The following PCLO variants were observed in gnomAD, a reference collection of about 807,000 sequenced individuals.
The protein encoded by PCLO is protein piccolo.
Under a neutral mutation model 427.5 loss-of-function variants are expected in PCLO, and 82 were observed. That is an observed-to-expected ratio of 0.19 (90% confidence interval 0.16 to 0.23). The LOEUF is 0.23. Ranked by LOEUF, PCLO falls within the 10% of genes least tolerant of loss-of-function variation. PCLO has a pLI of 1.00. For missense variants in PCLO, 6,239 were observed against 6,115.9 expected (o/e 1.02, Z -0.67); for synonymous variants, 2,357 against 2,155.4 (o/e 1.09, Z -2.59).
At position 82,907,769 on chromosome 7, in the gene PCLO, T is replaced by C. The variant is rs557391538; in HGVS notation, c.13437+1108A>G. 1.1e-4 allele frequency among the ~76,000 whole-genome samples: 17 copies of C among 152,050 alleles called. No individual in the cohort carries two copies. The East Asian group carries it at 2.7e-3, about 24-fold the overall frequency. On this transcript the variant is annotated intron_variant, in intron 8 of 24. Coordinates refer to ENST00000333891, the MANE Select transcript of PCLO (RefSeq NM_033026.6). ...ATTAAAAAGATTCTAGAAAATATGATAGCATATAGAAAAACAGAACAAAAT... is the reference window on the plus strand; with the variant it reads ...ATTAAAAAGATTCTAGAAAATATGACAGCATATAGAAAAACAGAACAAAAT...
intron 3 of PCLO, among the ~76,000 whole-genome samples, chr7:83,036,363 A>AGATC (rs895393758): frequency 6.6e-6 from 1 of 152,138 alleles, no homozygotes; most frequent in Non-Finnish European, 1.5e-5. Context: ...TCACCTCTGG[A>AGATC]GATCACACTT....
At chr7:83,059,426 C>A (rs1379490740) in intron 3 of PCLO, among the ~76,000 whole-genome samples, 2 of 142,144 alleles carry the variant, frequency 1.4e-5, no homozygotes, top group South Asian at 2.2e-4. Context: ...AAAGGTTTGG[C>A]TAAAACACAT....
chr7:83,151,186 G>GT (rs1173242073), intron 2 of PCLO, among the ~76,000 whole-genome samples: 2 of 152,040 alleles, frequency 1.3e-5, no homozygotes, highest in East Asian at 3.9e-4. Context: ...TTTTGATTGC[G>GT]TTTTTTCTTA....
At chr7:82,837,543 A>G (rs889924451) in intron 15 of PCLO, among the ~76,000 whole-genome samples, 2 of 152,028 alleles carry the variant, frequency 1.3e-5, no homozygotes, top group South Asian at 4.1e-4. Flanking sequence ...CTTTGAAACT[A>G]TCCTTGAGTA....
At chr7:83,101,373 T>C (rs1790734628) in intron 3 of PCLO, among the ~76,000 whole-genome samples, 1 of 152,082 alleles carries the variant, frequency 6.6e-6, no homozygotes, top group Non-Finnish European at 1.5e-5. Flanking sequence ...TTTAAATATT[T>C]CTACAAAGAA....
In PCLO at chr7:82,950,679, A is replaced by T. The variant is rs750453100; in HGVS notation, c.9909T>A (p.Leu3303=). 2.5e-6 allele frequency: 4 copies of T among 1,613,554 alleles called. No homozygotes were observed. Among genetic ancestry groups the T allele is most frequent in the Non-Finnish European group, 3.4e-6 (4 of 1,179,614 alleles). ...LEQIQQLQQQ[L]HQQLEEQKIR... ...TCTTTTGCTCCTCCAGCTGCTGGTGAAGCTGTTGTTGCAGCTGTTGGATCT... is the reference window on the plus strand; with the variant it reads ...TCTTTTGCTCCTCCAGCTGCTGGTGTAGCTGTTGTTGCAGCTGTTGGATCT... The change falls in exon 6 of 25, where the codon CTT becomes CTA. Residue 3303 remains leucine (L), a synonymous_variant. Coordinates refer to ENST00000333891, the MANE Select transcript of PCLO (RefSeq NM_033026.6).
intron 6 of PCLO, among the ~76,000 whole-genome samples, chr7:82,921,291 C>A (rs1477396827): frequency 7.1e-6 from 1 of 140,382 alleles, no homozygotes; most frequent in Non-Finnish European, 1.5e-5. Flanking sequence ...CAAAAACAAA[C>A]AAACAAACAA....
chr7:82,801,695 C>G, intron 21 of PCLO, 104 bp from the exon 22 acceptor site: 1 of 669,600 alleles, frequency 1.5e-6, no homozygotes, highest in Non-Finnish European at 2.6e-6. Flanking sequence ...ATGGCAAAAC[C>G]TGCAATTACT....
intron 8 of PCLO, among the ~76,000 whole-genome samples, chr7:82,907,746 TA>T: frequency 6.6e-6 from 1 of 151,972 alleles, no homozygotes; most frequent in East Asian, 1.9e-4. Context: ...AGAGAGGAAT[TA>T]AAAAGATTCT....
rs1402896047 is a variant in PCLO at position 83,135,030 on chromosome 7, G to A, written c.2520C>T (p.Ser840=). 3 of 1,613,762 alleles carry A rather than the reference G, an allele frequency of 1.9e-6. No homozygotes were observed. In the East Asian group the frequency reaches 6.7e-5, roughly 36 times the overall value. ...IISHPGPSSE[S]KGQKQVDPVQ... is the part of the protein sequence containing the mutation. ...CGGGGTCAACTTGTTTTTGACCTTT[G>A]CTCTCTGAACTGGGACCAGGATGTG... Residue 840 remains serine, a synonymous_variant, in exon 3 of 25, where the codon AGC becomes AGT. Transcript: ENST00000333891.
At position 82,950,753 on chromosome 7, in the gene PCLO, A is replaced by C. The variant is rs1389776180; in HGVS notation, c.9835T>G (p.Phe3279Val). Reference protein sequence around the residue: ...FQQEEERQAQFMMRQETLAQQ... With the variant: ...FQQEEERQAQVMMRQETLAQQ... ...GCTAACGTCTCCTGCCTCATCATGAACTGGGCTTGCCGCTCTTCTTCTTGC... is the reference window on the plus strand; with the variant it reads ...GCTAACGTCTCCTGCCTCATCATGACCTGGGCTTGCCGCTCTTCTTCTTGC... Residue 3279 changes from phenylalanine (F) to valine (V), a missense_variant, in exon 6 of 25, where the codon TTC becomes GTC. Transcript: ENST00000333891. The C allele has an allele frequency of 2.5e-6, 4 of 1,613,746 alleles. No homozygotes were observed. The highest frequency in any genetic ancestry group is 3.4e-6 in the Non-Finnish European group (4 of 1,179,820).
At chr7:83,129,371 C>T (rs985914414) in intron 3 of PCLO, among the ~76,000 whole-genome samples, 2 of 151,848 alleles carry the variant, frequency 1.3e-5, no homozygotes, top group African/African-American at 2.4e-5. Flanking sequence ...CATCTATTTA[C>T]GTTTAATATC....
rs180955194 is a variant in PCLO at position 82,843,563 on chromosome 7, T to C, written c.14046+1708A>G. 6.6e-4 allele frequency among the ~76,000 whole-genome samples: 101 copies of C among 152,072 alleles called. 1 individual carries two copies. The highest frequency in any genetic ancestry group is 2.0e-3 in the African/African-American group (85 of 41,504). On this transcript the variant is annotated intron_variant, in intron 13 of 24. Coordinates refer to ENST00000333891, the MANE Select transcript of PCLO (RefSeq NM_033026.6). ...AAAAAAAATTTTTTTAAGCCAAATA[T>C]TTCAGAGGAATGAAGAGTAGATTTC...
intron 3 of PCLO, among the ~76,000 whole-genome samples, chr7:83,099,642 C>T (rs1157349200): frequency 2.0e-5 from 3 of 152,004 alleles, no homozygotes; most frequent in East Asian, 3.9e-4. Flanking sequence ...CCACCGGCCT[C>T]GGCCTCCTGA....
intron 14 of PCLO, among the ~76,000 whole-genome samples, chr7:82,839,848 C>T (rs1792322655): frequency 6.6e-6 from 1 of 152,006 alleles, no homozygotes. Flanking sequence ...CTGATAGATT[C>T]ATGGTTTGGT....
At chr7:83,156,462 C>CA (rs761710260) in intron 1 of PCLO, 70 bp from the exon 2 acceptor site, 1 of 993,678 alleles carries the variant, frequency 1.0e-6, no homozygotes, top group South Asian at 1.9e-5. Flanking sequence ...CAAAGTAATA[C>CA]AAAAAACCTA....
At chr7:82,946,017 A>G (rs780280520) in intron 6 of PCLO, among the ~76,000 whole-genome samples, 3 of 152,232 alleles carry the variant, frequency 2.0e-5, no homozygotes, top group Non-Finnish European at 2.9e-5. Context: ...TAAAATCACT[A>G]GACTACTCGG....
chr7:83,079,809 C>A (rs1433626037), intron 3 of PCLO, among the ~76,000 whole-genome samples: 1 of 152,006 alleles, frequency 6.6e-6, no homozygotes, highest in Non-Finnish European at 1.5e-5. Context: ...CTGCACCTAT[C>A]AACCCATTAC....
intron 4 of PCLO, among the ~76,000 whole-genome samples, chr7:82,963,924 G>C (rs1367269668): frequency 6.6e-6 from 1 of 151,946 alleles, no homozygotes; most frequent in Non-Finnish European, 1.5e-5. Context: ...AAGTGAAAAA[G>C]TTATAAAATA....
Sources: gnomAD v4.1 joint callset for allele counts (sites outside exome capture counted in the v4.1 genomes callset) on GRCh38, gnomAD v4.1.1 for gene constraint, MANE v1.5 for transcripts, NCBI Gene and HGNC (gene_info 2026-07-23, HGNC 2026-07-21) for gene names.